The following LRRIQ1 variants were observed in gnomAD, a reference collection of about 807,000 sequenced individuals.
LRRIQ1 encodes the protein leucine rich repeats and IQ motif containing 1.
Under a neutral mutation model 211.9 loss-of-function variants are expected in LRRIQ1, and 210 were observed. That is an observed-to-expected ratio of 0.99 (90% CI 0.89 to 1.11). The LOEUF (loss-of-function observed/expected upper bound fraction) is 1.11, where lower values mean the gene tolerates loss of function less well. Among genes scored for constraint, LRRIQ1 ranks in the 50% most tolerant of loss-of-function variants. LRRIQ1 has a pLI of 0.00. For missense variants in LRRIQ1, 2,136 were observed against 1,939.5 expected, an observed-to-expected ratio of 1.10 and a Z score of -1.90; for synonymous variants, 699 against 650.1, an observed-to-expected ratio of 1.08 and a Z score of -1.14.
chr12:85,142,715 G>A (rs902730798), intron 19 of LRRIQ1, among the ~76,000 whole-genome samples: 3 of 151,452 alleles, frequency 2.0e-5, no homozygotes, highest in African/African-American at 4.8e-5. Flanking sequence ...GAGTGAAACC[G>A]TGAGGTATTC....
At chr12:85,219,929 C>T (rs774253584) in intron 24 of LRRIQ1, among the ~76,000 whole-genome samples, 9 of 152,008 alleles carry the variant, frequency 5.9e-5, no homozygotes, top group African/African-American at 1.4e-4. Flanking sequence ...AGTATTTATA[C>T]GAATGTTAAT....
chr12:85,134,888 A>G (rs1217104223), intron 18 of LRRIQ1, among the ~76,000 whole-genome samples: 1 of 151,990 alleles, frequency 6.6e-6, no homozygotes, highest in African/African-American at 2.4e-5. Context: ...CCTCATCACT[A>G]GATTATTTGA....
intron 10 of LRRIQ1, among the ~76,000 whole-genome samples, chr12:85,068,886 C>T (rs1348421679): frequency 1.3e-5 from 2 of 150,104 alleles, no homozygotes; most frequent in African/African-American, 4.9e-5. Flanking sequence ...TTTTTAGTTT[C>T]AATGAAATTG....
chr12:85,196,236 A>C (rs1892905286), intron 24 of LRRIQ1, among the ~76,000 whole-genome samples: 1 of 152,074 alleles, frequency 6.6e-6, no homozygotes, highest in Admixed American at 6.6e-5. Flanking sequence ...AATATCGTGA[A>C]AATGGCCATA....
chr12:85,262,920 T>C (rs1475009473), exon 2 of LRRIQ1: 6 of 982,434 alleles, frequency 6.1e-6, no homozygotes, highest in Admixed American at 6.2e-5. Flanking sequence ...TCTAGGTTGT[T>C]CAGTTAAGGG....
intron 24 of LRRIQ1, among the ~76,000 whole-genome samples, chr12:85,221,460 T>G (rs1363580764): frequency 2.0e-5 from 3 of 152,094 alleles, no homozygotes; most frequent in Non-Finnish European, 4.4e-5. Flanking sequence ...GACACATAGA[T>G]AAGAAAATAA....
Position 85,193,077 on chromosome 12 carries a change from A to G in LRRIQ1, c.4822+32363A>G, listed in dbSNP as rs532132009. ...TAATATAAATATTATATTATATTTT[A>G]TTATATATAATTATATATATTTATA... is the stretch of plus-strand genomic sequence containing the variant. On this transcript the variant is annotated intron_variant, in intron 24 of 26. Transcript: ENST00000393217. Among the ~76,000 whole-genome samples, 906 of 116,782 alleles carry G rather than the reference A, an allele frequency of 7.8e-3. 11 individuals are homozygous for G. Among genetic ancestry groups the G allele is most frequent in the Non-Finnish European group, 0.012 (737 of 60,586 alleles). 76.6% of individuals were successfully genotyped at this position (116,782 alleles called of 152,430 possible).
At chr12:85,127,356 G>A (rs1181292992) in intron 17 of LRRIQ1, among the ~76,000 whole-genome samples, 3 of 152,154 alleles carry the variant, frequency 2.0e-5, no homozygotes, top group Non-Finnish European at 4.4e-5. Context: ...AGAGAAGAAA[G>A]TGAAGCTCCT....
intron 18 of LRRIQ1, among the ~76,000 whole-genome samples, chr12:85,134,338 C>T (rs1280882948): frequency 3.3e-5 from 5 of 152,092 alleles, no homozygotes; most frequent in Non-Finnish European, 7.4e-5. Context: ...CCAATGCTCC[C>T]CATCTCTTGT....
rs562005766 is a variant in LRRIQ1, at chr12:85,039,901, T to C, written c.133-589T>C. ...ATTTATTTGCATTATATTTTCTAAC[T>C]AGTTACGGTGTTTATGGAGGAAGGA... On this transcript the variant is annotated intron_variant, in intron 2 of 26. Transcript: ENST00000393217. Among the ~76,000 whole-genome samples, 5 of 151,768 alleles carry C rather than the reference T, an allele frequency of 3.3e-5. No homozygotes were observed. In the South Asian group the frequency reaches 1.0e-3, roughly 31 times the overall value.
chr12:85,217,630 A>G (rs12320855), intron 24 of LRRIQ1, among the ~76,000 whole-genome samples: 35 of 138,174 alleles, frequency 2.5e-4, no homozygotes, highest in Non-Finnish European at 4.2e-4. Flanking sequence ...GTATATATGT[A>G]TATATGTATA....
intron 8 of LRRIQ1, among the ~76,000 whole-genome samples, chr12:85,061,120 G>A (rs1026233972): frequency 5.9e-5 from 9 of 151,806 alleles, no homozygotes; most frequent in South Asian, 2.1e-4. Context: ...TTTTGCCACA[G>A]GCTAGGGAAG....
At chr12:85,161,196 G>C (rs1204688306) in intron 24 of LRRIQ1, among the ~76,000 whole-genome samples, 2 of 151,976 alleles carry the variant, frequency 1.3e-5, no homozygotes, top group Admixed American at 1.3e-4. Context: ...TGCACATCTA[G>C]GTGGTGATAG....
chr12:85,156,694 T>G (rs2136697251), intron 23 of LRRIQ1, among the ~76,000 whole-genome samples: 1 of 151,916 alleles, frequency 6.6e-6, no homozygotes, highest in African/African-American at 2.4e-5. Flanking sequence ...TACTAGCAGT[T>G]TTTAAATATA....
intron 24 of LRRIQ1, among the ~76,000 whole-genome samples, chr12:85,192,623 TATAA>T (rs1417420183): frequency 9.4e-6 from 1 of 105,918 alleles, no homozygotes; most frequent in Non-Finnish European, 1.7e-5. Flanking sequence ...ATACTATAAT[TATAA>T]ATAAATATAT....
chr12:85,136,063 T>A (rs187140055), intron 18 of LRRIQ1, among the ~76,000 whole-genome samples: 2 of 152,128 alleles, frequency 1.3e-5, no homozygotes, highest in African/African-American at 4.8e-5. Flanking sequence ...CTTATTTAAT[T>A]GTATATTTGC....
At chr12:85,040,625 G>A in intron 3 of LRRIQ1, 24 bp downstream of exon 3, 1 of 1,383,068 alleles carries the variant, frequency 7.2e-7, no homozygotes, top group South Asian at 1.3e-5. Flanking sequence ...TCATCTGTCT[G>A]GCAGATAAGC....
At chr12:85,212,896 C>G (rs887928667) in intron 24 of LRRIQ1, among the ~76,000 whole-genome samples, 1 of 147,872 alleles carries the variant, frequency 6.8e-6, no homozygotes, top group African/African-American at 2.5e-5. Flanking sequence ...AGAAAGAAAC[C>G]TGTAGAAAGA....
intron 24 of LRRIQ1, among the ~76,000 whole-genome samples, chr12:85,195,819 T>C (rs1309875079): frequency 9.2e-5 from 14 of 152,160 alleles, no homozygotes; most frequent in Non-Finnish European, 1.5e-4. Context: ...TTGGAAATTC[T>C]GACCAGGGCA....
Sources: allele counts gnomAD v4.1 joint callset (sites outside exome capture counted in the v4.1 genomes callset), GRCh38; gene constraint gnomAD v4.1.1; transcripts MANE v1.5; gene names NCBI Gene and HGNC (gene_info 2026-07-23, HGNC 2026-07-21).